Variants in MXI1 observed in about 807,000 individuals in gnomAD.
MXI1 encodes max-interacting protein 1.
MXI1 carries 18 observed loss-of-function variants against 36.9 expected under a neutral mutation model. The ratio of observed to expected loss-of-function variants is 0.49; its 90% CI spans 0.34 to 0.72. The LOEUF is 0.72. Ranked by LOEUF, MXI1 falls within the 30% of genes least tolerant of loss-of-function variation. The pLI is 0.01. For missense variants in MXI1, 304 were observed against 379.1 expected (o/e 0.80, Z 1.64); for synonymous variants, 160 against 146.7 (o/e 1.09, Z -0.65).
At chr10:110,277,069 C>T (rs1296128422) in intron 3 of MXI1, among the ~76,000 whole-genome samples, 1 of 152,154 alleles carries the variant, frequency 6.6e-6, no homozygotes, top group Admixed American at 6.5e-5. Flanking sequence ...TGGTCTCGAA[C>T]TCTTGGCCTC....
At position 110,285,571 on chromosome 10, in the gene MXI1, G is replaced by T. The variant is rs1857409776; in HGVS notation, c.*584G>T. On this transcript the variant is annotated 3_prime_UTR_variant, in exon 6 of 6. Transcript: ENST00000332674. ...AAGCTCATTTCATGCTCTGCAAAAG[G>T]AGAGACTCCCATGAAGCCTTTTGAA... The T allele has an allele frequency of 1.3e-5, 2 of 152,050 alleles. No individual in the cohort carries two copies. The highest frequency in any genetic ancestry group is 1.3e-4 in the Admixed American group (2 of 15,220). 9.4% of individuals were successfully genotyped at this position (152,050 alleles called of 1,614,324 possible). A position where few individuals can be genotyped will look rare whatever the true frequency, so the allele number is the denominator to read the frequency against.
chr10:110,283,059 T>G (rs932965854), intron 5 of MXI1, among the ~76,000 whole-genome samples: 10 of 152,146 alleles, frequency 6.6e-5, no homozygotes, highest in Admixed American at 1.3e-4. Flanking sequence ...GTAGGTTGGA[T>G]GAGTGTTCAG....
intron 1 of MXI1, chr10:110,208,290 C>A: frequency 2.1e-6 from 1 of 475,258 alleles, no homozygotes; most frequent in Non-Finnish European, 3.6e-6. Context: ...GGAGAGGGGC[C>A]TGTCGGTGCG....
chr10:110,219,159 G>A (rs1171379548), intron 1 of MXI1, among the ~76,000 whole-genome samples: 1 of 152,168 alleles, frequency 6.6e-6, no homozygotes. Flanking sequence ...AATTAGCTGG[G>A]CATGGTGGTG....
chr10:110,210,271 G>T (rs896147217), intron 1 of MXI1: 135 of 985,010 alleles, frequency 1.4e-4, no homozygotes, highest in Non-Finnish European at 1.6e-4. Flanking sequence ...GCCAGCCCCC[G>T]AGAGGGGTTT....
At chr10:110,263,385 G>A (rs1025949685) in intron 3 of MXI1, among the ~76,000 whole-genome samples, 1 of 152,240 alleles carries the variant, frequency 6.6e-6, no homozygotes, top group East Asian at 1.9e-4. Flanking sequence ...ACCCACTTAG[G>A]AAATATGTGG....
chr10:110,283,743 T>C (rs1416168201), intron 5 of MXI1, among the ~76,000 whole-genome samples: 1 of 152,100 alleles, frequency 6.6e-6, no homozygotes, highest in African/African-American at 2.4e-5. Flanking sequence ...TTATGTATAT[T>C]ATTGATGATT....
chr10:110,262,675 A>G (rs1216936486), intron 3 of MXI1, among the ~76,000 whole-genome samples: 1 of 152,102 alleles, frequency 6.6e-6, no homozygotes, highest in Non-Finnish European at 1.5e-5. Context: ...CTATTCATAC[A>G]TTTCCACAGA....
intron 1 of MXI1, among the ~76,000 whole-genome samples, chr10:110,220,984 A>G (rs540501942): frequency 2.0e-5 from 3 of 152,232 alleles, no homozygotes; most frequent in Non-Finnish European, 4.4e-5. Flanking sequence ...GGCATTTCTA[A>G]TGAAGAAAAC....
intron 1 of MXI1, chr10:110,208,659 C>G (rs1398118614): frequency 2.0e-5 from 3 of 152,136 alleles, no homozygotes; most frequent in East Asian, 3.9e-4. Flanking sequence ...TTCCTTCCCT[C>G]TAGCAGCAGG....
intron 3 of MXI1, among the ~76,000 whole-genome samples, chr10:110,255,719 A>C (rs1856262508): frequency 6.6e-6 from 1 of 152,206 alleles, no homozygotes; most frequent in African/African-American, 2.4e-5. Context: ...TGGAAGACTT[A>C]ATATTGTTAA....
At chr10:110,213,601 C>A (rs1400071042) in intron 1 of MXI1, among the ~76,000 whole-genome samples, 2 of 152,134 alleles carry the variant, frequency 1.3e-5, no homozygotes, top group Non-Finnish European at 2.9e-5. Context: ...AATCACGGAG[C>A]TCCCAAGGAC....
intron 2 of MXI1, among the ~76,000 whole-genome samples, chr10:110,238,580 G>GA (rs1443570910): frequency 6.6e-6 from 1 of 152,044 alleles, no homozygotes; most frequent in Non-Finnish European, 1.5e-5. Flanking sequence ...AAATGATTTG[G>GA]AAAATGTTCC....
At chr10:110,218,781 C>G (rs1003244652) in intron 1 of MXI1, among the ~76,000 whole-genome samples, 2 of 152,158 alleles carry the variant, frequency 1.3e-5, no homozygotes, top group African/African-American at 2.4e-5. Context: ...TATTAGGCTT[C>G]CTGGAGGCGC....
At chr10:110,269,442 G>A (rs1472586879) in intron 3 of MXI1, among the ~76,000 whole-genome samples, 1 of 152,142 alleles carries the variant, frequency 6.6e-6, no homozygotes, top group Non-Finnish European at 1.5e-5. Flanking sequence ...TAAATGTGCT[G>A]TTTTGTGCTA....
chr10:110,286,500 A>AAC lies in MXI1; in HGVS notation c.*1514_*1515insCA, dbSNP rs68149252. 6.6e-6 allele frequency: 1 copy of AAC among 152,274 alleles called. No homozygotes were observed. Among genetic ancestry groups the AAC allele is most frequent in the African/African-American group, 2.4e-5 (1 of 41,320 alleles). 9.4% of individuals were successfully genotyped at this position (152,274 alleles called of 1,614,324 possible). On this transcript the variant is annotated 3_prime_UTR_variant, in exon 6 of 6. Transcript: ENST00000332674. ...AACTACCCTTAATTACTTAAAAAAAAAAAAAAGCTTTATGATTTTCATAAC... is the reference window on the plus strand; with the variant it reads ...AACTACCCTTAATTACTTAAAAAAAAACAAAAAAGCTTTATGATTTTCATAAC...
In MXI1 at chr10:110,214,869, G is replaced by A. The variant is rs533715326; in HGVS notation, c.274+6787G>A. On this transcript the variant is annotated intron_variant, in intron 1 of 5. Coordinates refer to ENST00000332674, the MANE Select transcript of MXI1 (RefSeq NM_130439.3). Reference sequence around the variant, plus strand: ...TTTTTTTTTTTTTTTTTAAAGGAGAGAAAGAAAAAGAAATAAAAAAGTAAC... The same window carrying A: ...TTTTTTTTTTTTTTTTTAAAGGAGAAAAAGAAAAAGAAATAAAAAAGTAAC... Among the ~76,000 whole-genome samples, 6 of 147,808 alleles carry A rather than the reference G, an allele frequency of 4.1e-5. No individual in the cohort carries two copies. The South Asian group carries it at 1.3e-3, about 32-fold the overall frequency.
chr10:110,272,785 T>A (rs770452778), intron 3 of MXI1, among the ~76,000 whole-genome samples: 86 of 151,878 alleles, frequency 5.7e-4, no homozygotes, highest in Non-Finnish European at 1.0e-3. Flanking sequence ...AAGATACCAA[T>A]TAAGAAGGCT....
chr10:110,279,997 A>G lies in MXI1; in HGVS notation c.636A>G (p.Glu212=). 1 of 1,613,374 alleles carries G rather than the reference A, an allele frequency of 6.2e-7. No individual in the cohort carries two copies. The highest frequency in any genetic ancestry group is 8.5e-7 in the Non-Finnish European group (1 of 1,179,478). ...REQRFLKWRL[E]QLQGPQEMER... ...AGAGATTTTTAAAGTGGCGACTGGA[A>G]CAGCTGCAGGGTCCTCAGGAGATGG... is the stretch of plus-strand genomic sequence containing the variant. Residue 212 remains glutamate (E), a synonymous_variant, in exon 5 of 6, where the codon GAA becomes GAG. Transcript: ENST00000332674.
Sources: allele counts gnomAD v4.1 joint callset (sites outside exome capture counted in the v4.1 genomes callset), GRCh38; gene constraint gnomAD v4.1.1; transcripts MANE v1.5; gene names NCBI Gene and HGNC (gene_info 2026-07-23, HGNC 2026-07-21).